Variants in SUGCT observed in about 807,000 individuals in gnomAD.
SUGCT encodes succinyl-CoA:glutarate CoA-transferase.
A neutral mutation model predicts 55.0 loss-of-function variants in SUGCT; 41 were observed. The ratio of observed to expected loss-of-function variants is 0.74; its 90% CI spans 0.58 to 0.97. SUGCT has a LOEUF of 0.97. Ranked by LOEUF, SUGCT falls within the 50% of genes least tolerant of loss-of-function variation. The pLI is 0.00. For synonymous variants in SUGCT, 187 were observed against 200.4 expected (o/e 0.93, Z 0.56); for missense variants, 568 against 547.8 (o/e 1.04, Z -0.37).
chr7:40,555,690 A>T (rs936462672), intron 12 of SUGCT, among the ~76,000 whole-genome samples: 1 of 151,692 alleles, frequency 6.6e-6, no homozygotes, highest in Non-Finnish European at 1.5e-5. Flanking sequence ...TTTTTGGGGA[A>T]CTCATGACAA....
chr7:40,682,610 A>G (rs909485566), intron 12 of SUGCT, among the ~76,000 whole-genome samples: 4 of 152,208 alleles, frequency 2.6e-5, no homozygotes, highest in African/African-American at 9.6e-5. Context: ...AAATCCTCAC[A>G]CATCTGGTGT....
At chr7:40,317,846 G>A (rs896275408) in intron 9 of SUGCT, among the ~76,000 whole-genome samples, 6 of 152,130 alleles carry the variant, frequency 3.9e-5, no homozygotes, top group Non-Finnish European at 8.8e-5. Context: ...TTCCCTCTCT[G>A]TTTATATTCA....
intron 12 of SUGCT, among the ~76,000 whole-genome samples, chr7:40,654,403 C>T (rs1352361468): frequency 2.0e-5 from 3 of 152,080 alleles, no homozygotes; most frequent in African/African-American, 4.8e-5. Context: ...TTTGATGTGC[C>T]CTTGACAAGC....
intron 1 of SUGCT, among the ~76,000 whole-genome samples, chr7:40,164,309 T>C (rs1432191386): frequency 6.6e-6 from 1 of 152,126 alleles, no homozygotes; most frequent in East Asian, 1.9e-4. Context: ...TTTGTATTTT[T>C]AGTAGAGATG....
At chr7:40,529,432 T>C (rs1793971400) in intron 12 of SUGCT, among the ~76,000 whole-genome samples, 1 of 152,204 alleles carries the variant, frequency 6.6e-6, no homozygotes. Context: ...GGATGCAGAA[T>C]GCAGAGAACT....
intron 8 of SUGCT, among the ~76,000 whole-genome samples, chr7:40,291,723 C>G (rs1055095757): frequency 9.9e-5 from 15 of 151,912 alleles, no homozygotes; most frequent in African/African-American, 2.7e-4. Context: ...CTCAGTATAT[C>G]ATTACAATAT....
intron 12 of SUGCT, among the ~76,000 whole-genome samples, chr7:40,564,993 T>C (rs1796045946): frequency 6.6e-6 from 1 of 152,214 alleles, no homozygotes; most frequent in Admixed American, 6.5e-5. Flanking sequence ...CCAGGAAGAA[T>C]GGTAATCCAG....
chr7:40,352,869 A>T (rs1451582801), intron 9 of SUGCT, among the ~76,000 whole-genome samples: 2 of 152,124 alleles, frequency 1.3e-5, no homozygotes, highest in African/African-American at 4.8e-5. Flanking sequence ...TTTCCACCCT[A>T]TCTGAACTAA....
chr7:40,277,019 C>G (rs1331355863), intron 8 of SUGCT, among the ~76,000 whole-genome samples: 3 of 152,062 alleles, frequency 2.0e-5, no homozygotes, highest in Non-Finnish European at 4.4e-5. Flanking sequence ...TCTCGTAACC[C>G]TTAGGTTTGC....
intron 13 of SUGCT, among the ~76,000 whole-genome samples, chr7:40,858,117 G>A (rs1794279542): frequency 6.6e-6 from 1 of 152,136 alleles, no homozygotes; most frequent in East Asian, 1.9e-4. Context: ...CAGGACCGTT[G>A]TGAGAACTGT....
At chr7:40,854,997 G>C (rs938871073) in intron 13 of SUGCT, among the ~76,000 whole-genome samples, 5 of 150,548 alleles carry the variant, frequency 3.3e-5, no homozygotes, top group African/African-American at 1.2e-4. Context: ...CACTAGTGAG[G>C]AGTTTGGTGC....
At chr7:40,857,690 T>C (rs960668967) in intron 13 of SUGCT, among the ~76,000 whole-genome samples, 1 of 152,112 alleles carries the variant, frequency 6.6e-6, no homozygotes, top group Non-Finnish European at 1.5e-5. Context: ...ATATGCACAA[T>C]ATGGATGAAT....
intron 10 of SUGCT, 101 bp downstream of exon 10, chr7:40,449,459 A>T: frequency 1.3e-6 from 1 of 779,794 alleles, no homozygotes. Flanking sequence ...TGTGTTAGCA[A>T]CTAAAAGTAT....
the SUGCT span, among the ~76,000 whole-genome samples, chr7:40,985,190 G>T: frequency 6.6e-6 from 1 of 152,150 alleles, no homozygotes; most frequent in Non-Finnish European, 1.5e-5. Flanking sequence ...ATTGCAAATT[G>T]TATCAGGGCT....
intron 8 of SUGCT, among the ~76,000 whole-genome samples, chr7:40,280,351 A>C (rs1792870859): frequency 6.6e-6 from 1 of 152,202 alleles, no homozygotes. Flanking sequence ...TTTAGATGAT[A>C]TTGGTAAATA....
downstream of SUGCT, among the ~76,000 whole-genome samples, chr7:40,865,146 C>A (rs1395871677): frequency 6.6e-6 from 1 of 151,710 alleles, no homozygotes; most frequent in Non-Finnish European, 1.5e-5. Context: ...ATCTTCCAAC[C>A]CCCCCTCCTC....
chr7:41,017,019 C>T, the SUGCT span, among the ~76,000 whole-genome samples: 5 of 152,342 alleles, frequency 3.3e-5, no homozygotes, highest in African/African-American at 7.2e-5. Flanking sequence ...GTTTGACATC[C>T]TTTTCCTTAG....
chr7:40,146,406 C>T (rs563229974), intron 1 of SUGCT, among the ~76,000 whole-genome samples: 3 of 152,306 alleles, frequency 2.0e-5, no homozygotes, highest in South Asian at 4.1e-4. Context: ...GACACACACG[C>T]AGAAATATAG....
intron 12 of SUGCT, among the ~76,000 whole-genome samples, chr7:40,632,562 C>T (rs548588219): frequency 2.4e-4 from 35 of 148,362 alleles, no homozygotes; most frequent in South Asian, 4.5e-4. Context: ...TGGAGTTACC[C>T]GACCAGTTTC....
Sources: allele counts gnomAD v4.1 joint callset (sites outside exome capture counted in the v4.1 genomes callset), GRCh38; gene constraint gnomAD v4.1.1; transcripts MANE v1.5; gene names NCBI Gene and HGNC (gene_info 2026-07-23, HGNC 2026-07-21).